Variants in GRIA4 observed in about 807,000 individuals in gnomAD.
The protein encoded by GRIA4 is glutamate receptor 4.
A neutral mutation model predicts 104.0 loss-of-function variants in GRIA4; 34 were observed. The observed-to-expected ratio is 0.33, with a 90% CI of 0.25 to 0.44. The LOEUF (loss-of-function observed/expected upper bound fraction) is 0.44, where lower values mean the gene tolerates loss of function less well. Among genes scored for constraint, GRIA4 ranks in the 20% least tolerant of loss-of-function variants. The probability of loss-of-function intolerance (pLI) is 1.00; values close to 1 mark genes in which losing one functional copy is unlikely to be tolerated. For synonymous variants in GRIA4, 386 were observed against 381.9 expected, an observed-to-expected ratio of 1.01 and a Z score of -0.13; for missense variants, 750 against 1,096.5, an observed-to-expected ratio of 0.68 and a Z score of 4.46.
intron 4 of GRIA4, among the ~76,000 whole-genome samples, chr11:105,756,312 G>A (rs1030785882): frequency 1.3e-5 from 2 of 152,052 alleles, no homozygotes; most frequent in Admixed American, 1.3e-4. Flanking sequence ...CAAGTGGATT[G>A]GTAGCCATCC....
At chr11:105,760,586 C>A (rs1940573194) in intron 4 of GRIA4, among the ~76,000 whole-genome samples, 1 of 152,082 alleles carries the variant, frequency 6.6e-6, no homozygotes, top group African/African-American at 2.4e-5. Context: ...TTTCTGTTTT[C>A]TGGATGAGTT....
chr11:105,657,990 T>A (rs1006028219), intron 3 of GRIA4, among the ~76,000 whole-genome samples: 1 of 151,828 alleles, frequency 6.6e-6, no homozygotes, highest in Non-Finnish European at 1.5e-5. Flanking sequence ...AAGTTACTTA[T>A]CTGTGTGTAC....
intron 14 of GRIA4, among the ~76,000 whole-genome samples, chr11:105,942,020 T>C (rs553731606): frequency 6.6e-6 from 1 of 152,152 alleles, no homozygotes; most frequent in Non-Finnish European, 1.5e-5. Context: ...AAAAGCATTA[T>C]CAGCAAGTAT....
chr11:105,744,125 C>G (rs1041141593), intron 3 of GRIA4, among the ~76,000 whole-genome samples: 2 of 152,190 alleles, frequency 1.3e-5, no homozygotes, highest in African/African-American at 4.8e-5. Context: ...TCCCAATTCC[C>G]TCTGACTGTT....
At chr11:105,837,477 A>G (rs682708) in intron 4 of GRIA4, among the ~76,000 whole-genome samples, 84,977 of 151,984 alleles carry the variant, frequency 0.56, 24,452 homozygotes, top group African/African-American at 0.71. Context: ...AGCACAGTGT[A>G]GATTTAAGTG....
intron 3 of GRIA4, among the ~76,000 whole-genome samples, chr11:105,716,720 A>G (rs1954102266): frequency 6.6e-6 from 1 of 152,138 alleles, no homozygotes; most frequent in African/African-American, 2.4e-5. Context: ...TTCTCTAGAC[A>G]CATCCTATTA....
intron 6 of GRIA4, among the ~76,000 whole-genome samples, chr11:105,891,602 T>G (rs1224204210): frequency 6.6e-6 from 1 of 152,122 alleles, no homozygotes; most frequent in African/African-American, 2.4e-5. Flanking sequence ...GTTATCTCTA[T>G]CAGGAGGTGT....
intron 3 of GRIA4, among the ~76,000 whole-genome samples, chr11:105,722,114 T>C (rs1297049269): frequency 6.6e-6 from 1 of 152,206 alleles, no homozygotes; most frequent in Non-Finnish European, 1.5e-5. Context: ...AACCTTTCCA[T>C]AGTTAAAAAT....
intron 3 of GRIA4, among the ~76,000 whole-genome samples, chr11:105,620,908 T>TG (rs879388044): frequency 1.3e-3 from 202 of 151,228 alleles, no homozygotes; most frequent in South Asian, 6.7e-3. Context: ...TTCCATTTTT[T>TG]GGGGGGGGTC....
chr11:105,642,537 G>GAAAAAAAA (rs34987277), intron 3 of GRIA4, among the ~76,000 whole-genome samples: 3 of 72,448 alleles, frequency 4.1e-5, no homozygotes, highest in African/African-American at 1.3e-4. Context: ...CAATTTTAAT[G>GAAAAAAAA]AAAAAAAAAA....
At chr11:105,869,787 T>C (rs1945549821) in intron 5 of GRIA4, among the ~76,000 whole-genome samples, 1 of 152,064 alleles carries the variant, frequency 6.6e-6, no homozygotes, top group South Asian at 2.1e-4. Context: ...GTCAGAAAAG[T>C]AATGGAACAA....
intron 3 of GRIA4, among the ~76,000 whole-genome samples, chr11:105,640,656 C>A (rs2409574): frequency 6.6e-6 from 1 of 151,210 alleles, no homozygotes; most frequent in African/African-American, 2.4e-5. Flanking sequence ...ACAATTTGAC[C>A]ACATTTCTAC....
intron 4 of GRIA4, among the ~76,000 whole-genome samples, chr11:105,773,887 T>C (rs1332687077): frequency 6.7e-6 from 1 of 148,430 alleles, no homozygotes; most frequent in South Asian, 2.1e-4. Context: ...AAAAAAAAAG[T>C]AAGAGTATAA....
chr11:105,691,702 C>T (rs1035430229), intron 3 of GRIA4, among the ~76,000 whole-genome samples: 13 of 151,838 alleles, frequency 8.6e-5, no homozygotes, highest in African/African-American at 2.7e-4. Flanking sequence ...TTTGAGAGGC[C>T]GAGGTGGGCG....
intron 4 of GRIA4, among the ~76,000 whole-genome samples, chr11:105,759,975 A>C (rs1940528550): frequency 8.4e-6 from 1 of 119,116 alleles, no homozygotes; most frequent in South Asian, 2.8e-4. Context: ...CACTTAATAA[A>C]TATGAATGAA....
chr11:105,871,735 A>G (rs1311684825), intron 5 of GRIA4, among the ~76,000 whole-genome samples: 3 of 151,996 alleles, frequency 2.0e-5, no homozygotes, highest in African/African-American at 4.8e-5. Flanking sequence ...AAGTCATATG[A>G]CTTTCAGAAT....
chr11:105,643,001 A>G (rs989474042), intron 3 of GRIA4, among the ~76,000 whole-genome samples: 2 of 152,152 alleles, frequency 1.3e-5, no homozygotes, highest in African/African-American at 4.8e-5. Flanking sequence ...GGCAGCAGCA[A>G]GGAGAAGTGC....
At chr11:105,713,858 A>C (rs1226738416) in intron 3 of GRIA4, among the ~76,000 whole-genome samples, 1 of 152,164 alleles carries the variant, frequency 6.6e-6, no homozygotes, top group Non-Finnish European at 1.5e-5. Flanking sequence ...TTAACAACAG[A>C]CCCAGAGGAC....
At chr11:105,892,383 C>T (rs1946487151) in intron 6 of GRIA4, among the ~76,000 whole-genome samples, 1 of 152,062 alleles carries the variant, frequency 6.6e-6, no homozygotes, top group South Asian at 2.1e-4. Flanking sequence ...ACACCTGGCT[C>T]AATCATTAAA....
Sources: gnomAD v4.1 joint callset for allele counts (sites outside exome capture counted in the v4.1 genomes callset) on GRCh38, gnomAD v4.1.1 for gene constraint, MANE v1.5 for transcripts, NCBI Gene and HGNC (gene_info 2026-07-23, HGNC 2026-07-21) for gene names.